The following TEX11 variants were observed in gnomAD, a reference collection of about 807,000 sequenced individuals.
TEX11 encodes the protein testis-expressed protein 11.
A neutral mutation model predicts 84.4 loss-of-function variants in TEX11; 7 were observed. That is an observed-to-expected ratio of 0.08 (90% confidence interval 0.05 to 0.16). The LOEUF is 0.16. Ranked by LOEUF, TEX11 falls within the 10% of genes least tolerant of loss-of-function variation. The pLI, the probability that TEX11 is intolerant of heterozygous loss-of-function variation, is 1.00. For synonymous variants in TEX11, 264 were observed against 222.8 expected (o/e 1.18, Z -1.64); for missense variants, 551 against 660.5 (o/e 0.83, Z 1.82).
At chrX:70,826,470 G>A (rs931232251) in intron 8 of TEX11, among the ~76,000 whole-genome samples, 3 of 111,735 alleles carry the variant, frequency 2.7e-5, no homozygotes, top group Admixed American at 9.5e-5. Flanking sequence ...CACAGTACCC[G>A]GTTTTAACTA....
chrX:70,527,454 T>C (rs765989632), downstream of TEX11, among the ~76,000 whole-genome samples: 1 of 111,695 alleles, frequency 9.0e-6, no homozygotes, highest in South Asian at 3.8e-4. Context: ...TCACCTAAAT[T>C]GAGGTGCATG....
chrX:70,823,262 C>T (rs1389109343), intron 8 of TEX11, among the ~76,000 whole-genome samples: 1 of 110,476 alleles, frequency 9.1e-6, no homozygotes, highest in Admixed American at 9.7e-5. Context: ...GGAAATAGGG[C>T]GATGTTAGAT....
At chrX:70,744,259 AAC>A in intron 9 of TEX11, 40 bp from the exon 10 acceptor site, 1 of 540,143 alleles carries the variant, frequency 1.9e-6, no homozygotes, top group Non-Finnish European at 2.5e-6. Context: ...TATATATATA[AAC>A]ATATATCCAT....
intron 8 of TEX11, among the ~76,000 whole-genome samples, chrX:70,829,824 C>T (rs2147829923): frequency 9.2e-6 from 1 of 108,995 alleles, no homozygotes; most frequent in Non-Finnish European, 1.9e-5. Context: ...GCAAGGCTCA[C>T]GGTAACCTGA....
chrX:70,655,883 A>G (rs1467221666), intron 16 of TEX11, among the ~76,000 whole-genome samples: 1 of 111,626 alleles, frequency 9.0e-6, no homozygotes, highest in Non-Finnish European at 1.9e-5. Flanking sequence ...CCTAAAGCAA[A>G]CATCATATTT....
intron 13 of TEX11, among the ~76,000 whole-genome samples, chrX:70,718,372 T>C (rs1287541375): frequency 1.8e-5 from 2 of 112,427 alleles, no homozygotes; most frequent in Non-Finnish European, 3.7e-5. Flanking sequence ...ATCACTTCCA[T>C]CTCTGGACAC....
chrX:70,907,235 A>G (rs926346938), intron 2 of TEX11, among the ~76,000 whole-genome samples: 1 of 110,803 alleles, frequency 9.0e-6, no homozygotes, highest in African/African-American at 3.3e-5. Flanking sequence ...TTTGCATGCC[A>G]TAAAAATCCT....
chrX:70,521,170 G>T, the TEX11 span, among the ~76,000 whole-genome samples: 1 of 111,458 alleles, frequency 9.0e-6, no homozygotes, highest in African/African-American at 3.3e-5. Context: ...GTCCCAATGA[G>T]ATGAACCAGG....
At chrX:70,646,162 C>G (rs758163028) in intron 17 of TEX11, among the ~76,000 whole-genome samples, 3 of 111,858 alleles carry the variant, frequency 2.7e-5, no homozygotes, top group African/African-American at 9.7e-5. Flanking sequence ...CAAGAACACA[C>G]AATGAGAAAA....
intron 28 of TEX11, among the ~76,000 whole-genome samples, chrX:70,541,158 C>T (rs1293393531): frequency 9.0e-6 from 1 of 111,462 alleles, no homozygotes; most frequent in Non-Finnish European, 1.9e-5. Flanking sequence ...TGCACTCTAG[C>T]CTGGGTGACA....
rs752446159 is a variant in TEX11, at chrX:70,830,266, G to T, written c.606+3247C>A. Among the ~76,000 whole-genome samples, 9 of 111,629 alleles carry T rather than the reference G, an allele frequency of 8.1e-5. No homozygotes were observed. In the South Asian group the frequency reaches 1.1e-3, roughly 14 times the overall value. On this transcript the variant is annotated intron_variant, in intron 8 of 29. Transcript: ENST00000374333. The stretch of plus-strand genomic sequence containing the variant: ...TCAAGACAAAAACTTTAAGGAGAGA[G>T]AAAAAAAGGTCACTATATAAGGATA...
chrX:70,793,501 G>A (rs1425640971), intron 9 of TEX11, among the ~76,000 whole-genome samples: 1 of 111,151 alleles, frequency 9.0e-6, no homozygotes. Context: ...TGGTTTTGTA[G>A]AAGTGGGTGG....
At chrX:70,534,110 A>T (rs1375869617) in intron 28 of TEX11, among the ~76,000 whole-genome samples, 1 of 106,013 alleles carries the variant, frequency 9.4e-6, no homozygotes, top group Non-Finnish European at 1.9e-5. Context: ...AAAAAAAAAA[A>T]AAAAAAGTAA....
intron 25 of TEX11, among the ~76,000 whole-genome samples, chrX:70,563,513 A>T (rs1464615533): frequency 1.8e-5 from 2 of 112,181 alleles, no homozygotes; most frequent in Admixed American, 9.5e-5. Context: ...TAGACCTAAG[A>T]TGTGAAATGG....
intron 24 of TEX11, among the ~76,000 whole-genome samples, chrX:70,599,999 T>C (rs1389995786): frequency 9.0e-6 from 1 of 110,922 alleles, no homozygotes; most frequent in Non-Finnish European, 1.9e-5. Flanking sequence ...TGTGTATTTA[T>C]AGCAGCATGA....
At chrX:70,827,269 G>A (rs1232524611) in intron 8 of TEX11, among the ~76,000 whole-genome samples, 2 of 111,607 alleles carry the variant, frequency 1.8e-5, no homozygotes, top group East Asian at 5.7e-4. Context: ...AACCATTAAC[G>A]ACCCAGGGAG....
In TEX11 at chrX:70,529,082, G is replaced by C; in HGVS notation, c.*13C>G. ...CGGGACAATGTATCTTCTTCATGTG[G>C]CCATGAGCTTGCCTAATCTGACTTG... is the stretch of plus-strand genomic sequence containing the variant. On this transcript the variant is annotated 3_prime_UTR_variant, in exon 30 of 30. Transcript: ENST00000374333. 1 of 1,186,985 alleles carries C rather than the reference G, an allele frequency of 8.4e-7. No individual in the cohort carries two copies. The highest frequency in any genetic ancestry group is 1.1e-6 in the Non-Finnish European group (1 of 873,952).
intron 20 of TEX11, among the ~76,000 whole-genome samples, chrX:70,615,051 T>C (rs939069675): frequency 7.5e-4 from 83 of 110,552 alleles, no homozygotes; most frequent in Non-Finnish European, 2.8e-4. Context: ...CTTTTAAATA[T>C]CACGAAAGCC....
chrX:70,656,816 C>T (rs974649245), intron 16 of TEX11, among the ~76,000 whole-genome samples: 2 of 111,935 alleles, frequency 1.8e-5, no homozygotes, highest in Non-Finnish European at 3.8e-5. Context: ...TTGCTTTCTC[C>T]ATTATTGAGT....
Sources: gnomAD v4.1 joint callset for allele counts (sites outside exome capture counted in the v4.1 genomes callset) on GRCh38, gnomAD v4.1.1 for gene constraint, MANE v1.5 for transcripts, NCBI Gene and HGNC (gene_info 2026-07-23, HGNC 2026-07-21) for gene names.